The following CELF2 variants were observed in gnomAD, a reference collection of about 807,000 sequenced individuals.
CELF2 encodes the protein CUG triplet repeat RNA-binding protein 2.
In CELF2, 8 loss-of-function variants were observed where a neutral mutation model predicts 62.6. The observed-to-expected ratio is 0.13, with a 90% CI of 0.07 to 0.23. The LOEUF is 0.23. Among genes scored for constraint, CELF2 ranks in the 10% least tolerant of loss-of-function variants. CELF2 has a pLI of 1.00. For missense variants in CELF2, 333 were observed against 671.0 expected (o/e 0.50, Z 5.56); for synonymous variants, 258 against 250.0 (o/e 1.03, Z -0.30).
chr10:11,138,202 A>G (rs944172975), intron 1 of CELF2, among the ~76,000 whole-genome samples: 20 of 152,364 alleles, frequency 1.3e-4, no homozygotes, highest in Middle Eastern at 3.4e-3. Flanking sequence ...TACTGACAGT[A>G]ATGATTATGG....
At chr10:10,519,414 G>A in the CELF2 span, among the ~76,000 whole-genome samples, 2 of 152,172 alleles carry the variant, frequency 1.3e-5, no homozygotes, top group African/African-American at 2.4e-5. Flanking sequence ...GACAGTTTTT[G>A]TGATGGCATG....
chr10:10,703,507 A>C, the CELF2 span, among the ~76,000 whole-genome samples: 2 of 152,216 alleles, frequency 1.3e-5, no homozygotes, highest in Admixed American at 6.5e-5. Flanking sequence ...TATGATACTG[A>C]AGACTAAACA....
intron 1 of CELF2, among the ~76,000 whole-genome samples, chr10:10,919,643 G>A (rs371096255): frequency 6.6e-6 from 1 of 152,046 alleles, no homozygotes; most frequent in African/African-American, 2.4e-5. Context: ...AGGTGGTTTG[G>A]GATTTGTTTC....
the CELF2 span, among the ~76,000 whole-genome samples, chr10:10,545,695 A>G: frequency 6.6e-6 from 1 of 151,472 alleles, no homozygotes; most frequent in African/African-American, 2.4e-5. Flanking sequence ...AATATACTAT[A>G]CACACACACA....
At chr10:11,058,824 A>G (rs1284659703) in intron 1 of CELF2, among the ~76,000 whole-genome samples, 1 of 152,102 alleles carries the variant, frequency 6.6e-6, no homozygotes, top group African/African-American at 2.4e-5. Context: ...TTTGTTGCCC[A>G]TGCTGGAGTG....
At chr10:11,205,151 A>G (rs2060146829) in intron 2 of CELF2, among the ~76,000 whole-genome samples, 1 of 152,238 alleles carries the variant, frequency 6.6e-6, no homozygotes. Flanking sequence ...GAACTCTGCT[A>G]GTTCCAAGTA....
intron 1 of CELF2, among the ~76,000 whole-genome samples, chr10:10,875,789 T>C (rs1194774341): frequency 6.6e-6 from 1 of 152,230 alleles, no homozygotes; most frequent in Admixed American, 6.5e-5. Context: ...TCTGTTGAGG[T>C]TACTCTCCAT....
upstream of CELF2, among the ~76,000 whole-genome samples, chr10:11,015,429 TGTGA>T (rs1446150393): frequency 2.6e-5 from 4 of 152,212 alleles, no homozygotes; most frequent in African/African-American, 9.7e-5. The surrounding 1 kb of genome is among the most constrained non-coding windows in gnomAD (Gnocchi z 4.8). Flanking sequence ...GGGTGATGTG[TGTGA>T]GTATTTAGTT....
At chr10:10,747,239 T>A in the CELF2 span, among the ~76,000 whole-genome samples, 1 of 152,304 alleles carries the variant, frequency 6.6e-6, no homozygotes, top group South Asian at 2.1e-4. Context: ...GGTGATAGAA[T>A]CTAAGGACTC....
the CELF2 span, among the ~76,000 whole-genome samples, chr10:10,506,290 G>GTGTGTGTGTGTGTGTGTATC: frequency 6.6e-6 from 1 of 151,224 alleles, no homozygotes; most frequent in Admixed American, 6.6e-5. Context: ...GTGTGTGTGT[G>GTGTGTGTGTGTGTGTGTATC]TGTGTGTGTG....
At chr10:11,216,339 G>T (rs2063352292) in intron 2 of CELF2, among the ~76,000 whole-genome samples, 1 of 152,102 alleles carries the variant, frequency 6.6e-6, no homozygotes, top group African/African-American at 2.4e-5. Context: ...ACCTCTCAAA[G>T]CTCTTCTGGC....
the CELF2 span, among the ~76,000 whole-genome samples, chr10:10,574,623 A>G: frequency 2.0e-5 from 3 of 152,204 alleles, no homozygotes; most frequent in Non-Finnish European, 4.4e-5. Flanking sequence ...GTTCAAAATA[A>G]GTATTCTCGT....
chr10:11,210,797 C>T (rs933820691), intron 2 of CELF2, among the ~76,000 whole-genome samples: 24 of 152,214 alleles, frequency 1.6e-4, no homozygotes, highest in South Asian at 4.1e-4. Context: ...CTGCAGCTGA[C>T]GAGCCAGTGT....
chr10:10,776,728 C>G, the CELF2 span: 1 of 154,350 alleles, frequency 6.5e-6, no homozygotes, highest in Non-Finnish European at 1.5e-5. Context: ...CCCCAGCTCC[C>G]ATCGCCTCAT....
intron 1 of CELF2, among the ~76,000 whole-genome samples, chr10:10,818,159 C>G (rs1376459192): frequency 6.6e-6 from 1 of 152,100 alleles, no homozygotes; most frequent in African/African-American, 2.4e-5. Flanking sequence ...TATTTTGGGG[C>G]TATAATCTTT....
At chr10:10,986,999 G>A (rs530814199) in intron 2 of CELF2, among the ~76,000 whole-genome samples, 16 of 152,282 alleles carry the variant, frequency 1.1e-4, no homozygotes, top group African/African-American at 3.9e-4. Flanking sequence ...TATTTTATGG[G>A]AAGAAAAGTC....
At chr10:11,154,304 A>C (rs747596441) in intron 1 of CELF2, among the ~76,000 whole-genome samples, 1 of 152,252 alleles carries the variant, frequency 6.6e-6, no homozygotes, top group Non-Finnish European at 1.5e-5. Context: ...TGAGAGAGAG[A>C]AGAAGCAAAG....
intron 7 of CELF2, among the ~76,000 whole-genome samples, chr10:11,271,281 C>T (rs534179329): frequency 6.6e-6 from 1 of 152,342 alleles, no homozygotes; most frequent in East Asian, 1.9e-4. Flanking sequence ...TTGAAACCAA[C>T]AAAATTCTAT....
chr10:11,251,697 C>A (rs748240623), intron 4 of CELF2, among the ~76,000 whole-genome samples: 2 of 152,146 alleles, frequency 1.3e-5, no homozygotes, highest in Non-Finnish European at 2.9e-5. Context: ...TGAGAGGGGG[C>A]TACAGTGGTG....
Sources: allele counts gnomAD v4.1 joint callset (sites outside exome capture counted in the v4.1 genomes callset), GRCh38; gene constraint gnomAD v4.1.1; non-coding constraint Gnocchi (gnomAD v3.1); transcripts MANE v1.5; gene names NCBI Gene and HGNC (gene_info 2026-07-23, HGNC 2026-07-21).